Variants in ARMH3 observed in about 807,000 individuals in gnomAD.
The protein encoded by ARMH3 is armadillo like helical domain containing 3.
A neutral mutation model predicts 99.1 loss-of-function variants in ARMH3; 60 were observed. That is an observed-to-expected ratio of 0.61 (90% CI 0.49 to 0.75). ARMH3 has a LOEUF of 0.75. Among genes scored for constraint, ARMH3 ranks in the 30% least tolerant of loss-of-function variants. The pLI is 0.00. For synonymous variants in ARMH3, 285 were observed against 292.8 expected, an observed-to-expected ratio of 0.97 and a Z score of 0.27; for missense variants, 679 against 843.1, an observed-to-expected ratio of 0.81 and a Z score of 2.41.
At chr10:102,012,724 A>C in intron 10 of ARMH3, 109 bp downstream of exon 10, 1 of 1,027,802 alleles carries the variant, frequency 9.7e-7, no homozygotes, top group Non-Finnish European at 1.4e-6. Context: ...TGTACATCTG[A>C]ATACTCTTAG....
intron 24 of ARMH3, among the ~76,000 whole-genome samples, chr10:101,862,027 C>T (rs1275707478): frequency 1.7e-5 from 2 of 116,126 alleles, no homozygotes; most frequent in African/African-American, 6.7e-5. Flanking sequence ...CCAGCCTGGG[C>T]GACAGAGCGA....
At chr10:101,876,421 C>T (rs1200547014) in intron 24 of ARMH3, among the ~76,000 whole-genome samples, 1 of 152,152 alleles carries the variant, frequency 6.6e-6, no homozygotes, top group Non-Finnish European at 1.5e-5. Flanking sequence ...GTTCCTAACT[C>T]ACTGGTAATT....
intron 20 of ARMH3, among the ~76,000 whole-genome samples, chr10:101,972,585 G>T (rs945853556): frequency 6.6e-6 from 1 of 152,196 alleles, no homozygotes; most frequent in African/African-American, 2.4e-5. Context: ...AGGTGGATCT[G>T]CCATAGACAC....
At chr10:101,889,752 CCAAA>C in intron 23 of ARMH3, 2 of 411,370 alleles carry the variant, frequency 4.9e-6, no homozygotes, top group Non-Finnish European at 4.5e-6. Context: ...AAACCCAAAG[CCAAA>C]CAAAAATATT....
At chr10:101,997,240 C>T (rs987289592) in intron 15 of ARMH3, among the ~76,000 whole-genome samples, 2 of 151,544 alleles carry the variant, frequency 1.3e-5, no homozygotes, top group Non-Finnish European at 2.9e-5. Flanking sequence ...TGCACTCCAG[C>T]CTGGGTGACA....
At chr10:101,986,665 G>A (rs1310469723) in intron 19 of ARMH3, among the ~76,000 whole-genome samples, 1 of 152,120 alleles carries the variant, frequency 6.6e-6, no homozygotes. Context: ...GCTGTATACT[G>A]CCGAAAAGGG....
intron 2 of ARMH3, among the ~76,000 whole-genome samples, chr10:102,036,239 C>T (rs1041493074): frequency 1.3e-5 from 2 of 150,944 alleles, no homozygotes; most frequent in African/African-American, 4.9e-5. Flanking sequence ...GCCAGCCGCC[C>T]CGTCCGGGAG....
chr10:102,029,886 T>C, intron 4 of ARMH3, 141 bp from the exon 5 acceptor site: 1 of 898,814 alleles, frequency 1.1e-6, no homozygotes, highest in East Asian at 2.7e-5. Context: ...CAGTCTGAGT[T>C]TTTTTGGTTT....
chr10:101,849,859 G>A lies in ARMH3; in HGVS notation c.1894C>T (p.Leu632Phe). The part of the protein sequence containing the change: ...LEVVRANYDT[L>F]TLKLQDGLDQ... ...AGGCCATCCTGCAGCTTCAGCGTGA[G>A]CGTGTCATAGTTGGCTCTCACCACC... Residue 632 changes from leucine to phenylalanine, a missense_variant, in exon 25 of 26, where the codon CTC becomes TTC. Transcript: ENST00000370033. 1.2e-6 allele frequency: 2 copies of A among 1,614,136 alleles called. No homozygotes were observed. The highest frequency in any genetic ancestry group is 8.5e-7 in the Non-Finnish European group (1 of 1,180,026).
intron 23 of ARMH3, among the ~76,000 whole-genome samples, chr10:101,893,746 G>C (rs1208314067): frequency 6.6e-6 from 1 of 152,100 alleles, no homozygotes; most frequent in Non-Finnish European, 1.5e-5. Flanking sequence ...CTGGGAGGCA[G>C]GGAGGGAGGG....
rs1043389107 is a variant in ARMH3, at chr10:102,012,707, C to G, written c.770+126G>C. The G allele has an allele frequency of 1.2e-5, 10 of 827,498 alleles. No individual in the cohort carries two copies. The Admixed American group carries it at 2.1e-4, about 18-fold the overall frequency. The allele number at this position is 827,498 out of a possible 1,614,324, so 51.3% of individuals were successfully genotyped here. On this transcript the variant is annotated intron_variant, in intron 10 of 25. Transcript: ENST00000370033. ...GCAAAGCTAGAGCAAATACATCTGC[C>G]AGGGGCTGTACATCTGAATACTCTT...
At chr10:102,027,001 G>A (rs2067014104) in intron 5 of ARMH3, among the ~76,000 whole-genome samples, 1 of 152,192 alleles carries the variant, frequency 6.6e-6, no homozygotes, top group South Asian at 2.1e-4. Flanking sequence ...TGAATGGGCT[G>A]GGTGCAGTGG....
At chr10:101,972,762 G>A (rs559748947) in intron 20 of ARMH3, among the ~76,000 whole-genome samples, 7 of 152,282 alleles carry the variant, frequency 4.6e-5, no homozygotes, top group African/African-American at 1.7e-4. Flanking sequence ...ACAGGAAAAG[G>A]AGCTAACGTC....
intron 20 of ARMH3, among the ~76,000 whole-genome samples, chr10:101,966,219 C>T (rs774553137): frequency 1.3e-5 from 2 of 148,974 alleles, no homozygotes; most frequent in Non-Finnish European, 3.0e-5. Context: ...GATTCTTGTG[C>T]CTTAGCTTCC....
intron 23 of ARMH3, among the ~76,000 whole-genome samples, chr10:101,916,413 A>G (rs549434242): frequency 1.9e-4 from 29 of 152,126 alleles, no homozygotes; most frequent in Non-Finnish European, 3.8e-4. Flanking sequence ...CAAACCTGGG[A>G]ATTTGTAAGA....
At chr10:101,863,827 C>T (rs527906921) in intron 24 of ARMH3, among the ~76,000 whole-genome samples, 33 of 152,024 alleles carry the variant, frequency 2.2e-4, no homozygotes, top group African/African-American at 7.5e-4. Flanking sequence ...CTTTGGGCTG[C>T]CAAAGAGGTT....
chr10:102,014,135 G>T, intron 8 of ARMH3, 111 bp from the exon 9 acceptor site: 1 of 740,816 alleles, frequency 1.3e-6, no homozygotes. Context: ...TCTCTACAGT[G>T]ATGCTCCTGA....
At chr10:102,030,088 T>A (rs370661708) in intron 4 of ARMH3, among the ~76,000 whole-genome samples, 15 of 152,080 alleles carry the variant, frequency 9.9e-5, no homozygotes, top group African/African-American at 3.6e-4. Context: ...ACCTGGTTAA[T>A]TTTTTTATTT....
At chr10:102,020,033 C>T (rs2066844851) in intron 8 of ARMH3, among the ~76,000 whole-genome samples, 1 of 151,120 alleles carries the variant, frequency 6.6e-6, no homozygotes, top group Non-Finnish European at 1.5e-5. Flanking sequence ...CCAGCCTGGT[C>T]TCAAACATGT....
Sources: gnomAD v4.1 joint callset for allele counts (sites outside exome capture counted in the v4.1 genomes callset) on GRCh38, gnomAD v4.1.1 for gene constraint, MANE v1.5 for transcripts, NCBI Gene and HGNC (gene_info 2026-07-23, HGNC 2026-07-21) for gene names.